The following FBXL18 variants were observed in gnomAD, a reference collection of about 807,000 sequenced individuals.
FBXL18 encodes the protein F-box and leucine rich repeat protein 18.
In FBXL18, 36 loss-of-function variants were observed where a neutral mutation model predicts 46.0. That is an observed-to-expected ratio of 0.78 (90% CI 0.60 to 1.03). The LOEUF (loss-of-function observed/expected upper bound fraction) is 1.03. Among genes scored for constraint, FBXL18 ranks in the 50% least tolerant of loss-of-function variants. The pLI is 0.00. For synonymous variants in FBXL18, 557 were observed against 465.3 expected (o/e 1.20, Z -2.54); for missense variants, 977 against 1,004.1 (o/e 0.97, Z 0.36).
At chr7:5,492,548 A>C (rs576901640) in intron 3 of FBXL18, among the ~76,000 whole-genome samples, 52 of 152,038 alleles carry the variant, frequency 3.4e-4, no homozygotes, top group African/African-American at 8.7e-4. Context: ...ACGCCCCCCC[A>C]CACACACACT....
Position 5,479,762 on chromosome 7 carries a change from G to C in FBXL18, c.*2013C>G, listed in dbSNP as rs980943657. On this transcript the variant is annotated 3_prime_UTR_variant, in exon 5 of 5. Transcript: ENST00000382368. Reference sequence around the variant, plus strand: ...TGGGTCCCACCATCGGGCACTGCTGGAATCAGCCTGCAGAAGGGTCCCTCT... The same window carrying C: ...TGGGTCCCACCATCGGGCACTGCTGCAATCAGCCTGCAGAAGGGTCCCTCT... 14 of 152,510 alleles carry C rather than the reference G, an allele frequency of 9.2e-5. No homozygotes were observed. The highest frequency in any genetic ancestry group is 3.4e-4 in the African/African-American group (14 of 41,448). 9.4% of individuals were successfully genotyped at this position (152,510 alleles called of 1,614,324 possible).
At chr7:5,495,892 T>C (rs939253091) in intron 3 of FBXL18, 2 of 477,770 alleles carry the variant, frequency 4.2e-6, no homozygotes, top group Non-Finnish European at 8.7e-6. Flanking sequence ...GACGTGGTTC[T>C]CAGGGGCTGC....
At chr7:5,513,186 T>C (rs1017328905) in intron 1 of FBXL18, among the ~76,000 whole-genome samples, 1 of 151,626 alleles carries the variant, frequency 6.6e-6, no homozygotes, top group East Asian at 1.9e-4. Context: ...TCAGGTGAAA[T>C]GGCTTTTCCT....
Position 5,481,483 on chromosome 7 carries a change from A to C in FBXL18, c.*292T>G. 1 of 336,998 alleles carries C rather than the reference A, an allele frequency of 3.0e-6. No homozygotes were observed. 20.9% of individuals were successfully genotyped at this position (336,998 alleles called of 1,614,324 possible). A position where few individuals can be genotyped will look rare whatever the true frequency, so the allele number is the denominator to read the frequency against. ...GCCCCCAGGGATTGCGGCTCAGTAT[A>C]CAAACCCCCCAGCCAGGCCCCAAGG... On this transcript the variant is annotated 3_prime_UTR_variant, in exon 5 of 5. Coordinates refer to ENST00000382368, the MANE Select transcript of FBXL18 (RefSeq NM_024963.6).
At position 5,501,253 on chromosome 7, in the gene FBXL18, C is replaced by T. The variant is rs1482700686; in HGVS notation, c.1016G>A (p.Gly339Glu). The T allele has an allele frequency of 6.2e-7, 1 of 1,613,930 alleles. No individual in the cohort carries two copies. The highest frequency in any genetic ancestry group is 1.7e-5 in the Admixed American group (1 of 59,994). The change falls in exon 3 of 5, where the codon GGG (glycine) becomes GAG (glutamate). Residue 339 changes from glycine (G) to glutamate (E), a missense_variant. By Grantham distance (98) the Gly-to-Glu change is moderately conservative. Transcript: ENST00000382368. ...GHLIQQVING[G>E]KDLRSLASLN... is the part of the protein sequence containing the mutation. ...GCTGGCCAGGCTCCGCAGGTCCTTC[C>T]CGCCGTTGATGACCTGCTGGATCAG... is the stretch of plus-strand genomic sequence containing the variant.
chr7:5,458,001 C>G (rs1401068692), intron 4 of FBXL18, among the ~76,000 whole-genome samples: 1 of 152,192 alleles, frequency 6.6e-6, no homozygotes, highest in Non-Finnish European at 1.5e-5. Context: ...ATATTTCTTT[C>G]CAGCAGACAT....
chr7:5,486,295 T>C (rs1401909027), intron 4 of FBXL18, among the ~76,000 whole-genome samples: 1 of 140,208 alleles, frequency 7.1e-6, no homozygotes, highest in Non-Finnish European at 1.5e-5. Flanking sequence ...GGCACATGCC[T>C]CTAATCCCAG....
chr7:5,488,765 C>A (rs572431517), intron 4 of FBXL18, among the ~76,000 whole-genome samples: 3 of 152,346 alleles, frequency 2.0e-5, no homozygotes, highest in Admixed American at 2.0e-4. Context: ...TCTGACAGGA[C>A]AGAGCTAGGG....
intron 1 of FBXL18, among the ~76,000 whole-genome samples, chr7:5,507,628 G>T (rs942784925): frequency 1.3e-5 from 2 of 151,670 alleles, no homozygotes; most frequent in South Asian, 4.2e-4. Flanking sequence ...AAGGTCAAGA[G>T]ATCGAGACCA....
At chr7:5,512,378 GC>G (rs1438441864) in intron 1 of FBXL18, among the ~76,000 whole-genome samples, 2 of 149,416 alleles carry the variant, frequency 1.3e-5, no homozygotes, top group African/African-American at 2.5e-5. Flanking sequence ...ACTTTGGGAA[GC>G]CAAGGCGGGT....
chr7:5,505,688 C>A, intron 1 of FBXL18, 58 bp from the exon 2 acceptor site: 2 of 1,472,972 alleles, frequency 1.4e-6, no homozygotes, highest in East Asian at 4.5e-5. Context: ...GTCAGCCTAG[C>A]CTGCAGCTAG....
intron 4 of FBXL18, among the ~76,000 whole-genome samples, chr7:5,482,134 G>A (rs898597651): frequency 6.6e-6 from 1 of 152,156 alleles, no homozygotes; most frequent in Non-Finnish European, 1.5e-5. Flanking sequence ...GAGGAGCACG[G>A]CAGCCGGGAA....
At position 5,491,361 on chromosome 7, in the gene FBXL18, G is replaced by A. The variant is rs766507860; in HGVS notation, c.1870C>T (p.Arg624Cys). ...PSLQRLCLVS[R>C]SGTLQPDAVL... ...GCATCGGGCTGGAGGGTGCCGCTGCGAGAGACCAGGCACAGGCGCTGCAGC... is the reference window on the plus strand; with the variant it reads ...GCATCGGGCTGGAGGGTGCCGCTGCAAGAGACCAGGCACAGGCGCTGCAGC... The change falls in exon 4 of 5, where the codon CGC (arginine) becomes TGC (cysteine). Residue 624 changes from arginine (R) to cysteine (C), a missense_variant. Coordinates refer to ENST00000382368, the MANE Select transcript of FBXL18 (RefSeq NM_024963.6). 1.6e-5 allele frequency: 25 copies of A among 1,610,252 alleles called. No individual in the cohort carries two copies. Among genetic ancestry groups the A allele is most frequent in the Middle Eastern group, 1.7e-4 (1 of 6,060 alleles).
intron 3 of FBXL18, among the ~76,000 whole-genome samples, chr7:5,497,078 A>G (rs1019467753): frequency 2.0e-5 from 3 of 149,196 alleles, no homozygotes; most frequent in African/African-American, 5.0e-5. Context: ...GCATGTGCCT[A>G]TAGTCCCAGC....
At chr7:5,498,240 A>C (rs576085549) in intron 3 of FBXL18, among the ~76,000 whole-genome samples, 12 of 150,348 alleles carry the variant, frequency 8.0e-5, no homozygotes, top group African/African-American at 2.7e-4. Flanking sequence ...GGCGCCCACC[A>C]CCACGCCCAG....
At chr7:5,503,124 G>A (rs1245462641) in intron 2 of FBXL18, among the ~76,000 whole-genome samples, 2 of 152,270 alleles carry the variant, frequency 1.3e-5, no homozygotes, top group African/African-American at 2.4e-5. Context: ...GCGCATGCCT[G>A]TAATCCCGCA....
rs968314591 is a variant in FBXL18 at position 5,480,215 on chromosome 7, G to C, written c.*1560C>G. ...GGGCATCTGTCACACGGAAACCCAGGAGGAGGAAGGCGGGCTGGACAAGGG... is the reference window on the plus strand; with the variant it reads ...GGGCATCTGTCACACGGAAACCCAGCAGGAGGAAGGCGGGCTGGACAAGGG... On this transcript the variant is annotated 3_prime_UTR_variant, in exon 5 of 5. Coordinates refer to ENST00000382368, the MANE Select transcript of FBXL18 (RefSeq NM_024963.6). 5.3e-5 allele frequency among the ~76,000 whole-genome samples: 8 copies of C among 151,618 alleles called. No individual in the cohort carries two copies. Among genetic ancestry groups the C allele is most frequent in the Admixed American group, 2.0e-4 (3 of 15,252 alleles).
rs1783567997 is a variant in FBXL18 at position 5,478,549 on chromosome 7, G to A, written c.*3226C>T. ...AATAAATAGCAGCTAGGTGTGGGGT[G>A]AGCTGGGAGCACAGGCAGGAGGGGG... is the stretch of plus-strand genomic sequence containing the variant. On this transcript the variant is annotated 3_prime_UTR_variant, in exon 5 of 5. Coordinates refer to ENST00000382368, the MANE Select transcript of FBXL18 (RefSeq NM_024963.6). 1 of 152,450 alleles carries A rather than the reference G, an allele frequency of 6.6e-6. No individual in the cohort carries two copies. The highest frequency in any genetic ancestry group is 2.4e-5 in the African/African-American group (1 of 41,436). 9.4% of individuals were successfully genotyped at this position (152,450 alleles called of 1,614,324 possible).
intron 4 of FBXL18, among the ~76,000 whole-genome samples, chr7:5,482,139 C>T (rs563191807): frequency 4.6e-5 from 7 of 152,296 alleles, no homozygotes; most frequent in African/African-American, 1.4e-4. Context: ...GCACGGCAGC[C>T]GGGAACAGGC....
Sources: gnomAD v4.1 joint callset for allele counts (sites outside exome capture counted in the v4.1 genomes callset) on GRCh38, gnomAD v4.1.1 for gene constraint, MANE v1.5 for transcripts, NCBI Gene and HGNC (gene_info 2026-07-23, HGNC 2026-07-21) for gene names.